ATP6V1C2: variants seen among roughly 807,000 people sequenced by gnomAD.
ATP6V1C2 encodes the protein ATPase H+ transporting V1 subunit C2.
In ATP6V1C2, 45 loss-of-function variants were observed where a neutral mutation model predicts 56.8. The observed-to-expected ratio is 0.79, with a 90% confidence interval of 0.62 to 1.02. The LOEUF is 1.02. Among genes scored for constraint, ATP6V1C2 ranks in the 50% least tolerant of loss-of-function variants. The pLI is 0.00. For synonymous variants in ATP6V1C2, 220 were observed against 201.3 expected (o/e 1.09, Z -0.79); for missense variants, 463 against 519.7 (o/e 0.89, Z 1.06).
intron 3 of ATP6V1C2, among the ~76,000 whole-genome samples, chr2:10,747,308 T>G (rs1372645381): frequency 3.3e-5 from 5 of 152,134 alleles, no homozygotes; most frequent in Non-Finnish European, 7.4e-5. Flanking sequence ...TCTCATACTT[T>G]TCATATACTT....
Position 10,757,618 on chromosome 2 carries a change from A to G in ATP6V1C2, c.283+3552A>G, listed in dbSNP as rs551467159. On this transcript the variant is annotated intron_variant, in intron 4 of 13. Transcript: ENST00000272238. ...TCACAATATCCATATGACACAGATAACCACCATCTCATCCCCTCCCCTCTT... is the reference window on the plus strand; with the variant it reads ...TCACAATATCCATATGACACAGATAGCCACCATCTCATCCCCTCCCCTCTT... Among the ~76,000 whole-genome samples the G allele has an allele frequency of 7.2e-5, 11 of 152,224 alleles. No homozygotes were observed. In the South Asian group the frequency reaches 1.9e-3, roughly 26 times the overall value.
intron 6 of ATP6V1C2, among the ~76,000 whole-genome samples, chr2:10,770,715 A>C (rs1664544944): frequency 6.6e-6 from 1 of 152,200 alleles, no homozygotes. Flanking sequence ...ACTTTAATTG[A>C]TTTACTAAGT....
chr2:10,741,912 TTCCTTC>T (rs1399659192), intron 3 of ATP6V1C2, among the ~76,000 whole-genome samples: 5 of 149,066 alleles, frequency 3.4e-5, no homozygotes, highest in African/African-American at 9.8e-5. Flanking sequence ...CCTTCCTTCC[TTCCTTC>T]CTTCCTTCCT....
chr2:10,781,104 G>C (rs1665320472), intron 12 of ATP6V1C2, among the ~76,000 whole-genome samples: 1 of 152,170 alleles, frequency 6.6e-6, no homozygotes, highest in African/African-American at 2.4e-5. Flanking sequence ...GTGCCACAGA[G>C]ACAGGACAGG....
In ATP6V1C2 at chr2:10,782,129, A is replaced by C; in HGVS notation, c.1062-114A>C. The C allele has an allele frequency of 4.0e-6, 5 of 1,258,726 alleles. No individual in the cohort carries two copies. In the South Asian group the frequency reaches 7.2e-5, roughly 18 times the overall value. 78.0% of individuals were successfully genotyped at this position (1,258,726 alleles called of 1,614,324 possible). The stretch of plus-strand genomic sequence containing the variant: ...CATTTTGCTCGAGTTTGACTTTATG[A>C]AGCTGTGTTGGTTGAAGCTTTTCAC... On this transcript the variant is annotated intron_variant, in intron 12 of 13. Coordinates refer to ENST00000272238, the MANE Select transcript of ATP6V1C2 (RefSeq NM_001039362.2).
At chr2:10,745,842 C>T (rs4669620) in intron 3 of ATP6V1C2, among the ~76,000 whole-genome samples, 2 of 152,066 alleles carry the variant, frequency 1.3e-5, no homozygotes, top group African/African-American at 4.8e-5. Flanking sequence ...GGCTATTTTA[C>T]GTACCTCCTA....
intron 12 of ATP6V1C2, among the ~76,000 whole-genome samples, chr2:10,781,004 C>G (rs752787587): frequency 5.3e-5 from 8 of 152,144 alleles, no homozygotes; most frequent in Non-Finnish European, 1.2e-4. Context: ...CCTTGGCCCC[C>G]CAAAGTGCTG....
intron 4 of ATP6V1C2, among the ~76,000 whole-genome samples, chr2:10,759,387 C>T (rs942500431): frequency 6.6e-6 from 1 of 152,214 alleles, no homozygotes; most frequent in Non-Finnish European, 1.5e-5. Context: ...GCTTGTCTGG[C>T]TTGCTGGGCG....
chr2:10,766,998 T>A (rs983098339), intron 5 of ATP6V1C2, among the ~76,000 whole-genome samples: 5 of 152,034 alleles, frequency 3.3e-5, no homozygotes, highest in Non-Finnish European at 7.4e-5. Flanking sequence ...CAACGTCCTG[T>A]GAATCTATAA....
At chr2:10,725,832 C>G (rs781622497) in intron 2 of ATP6V1C2, among the ~76,000 whole-genome samples, 60 of 151,852 alleles carry the variant, frequency 4.0e-4, no homozygotes, top group Non-Finnish European at 4.4e-4. Flanking sequence ...GTAATTCCAG[C>G]ACTTTGGGAG....
At chr2:10,764,479 G>A (rs1664108297) in intron 5 of ATP6V1C2, 54 bp downstream of exon 5, 7 of 1,514,568 alleles carry the variant, frequency 4.6e-6, no homozygotes, top group Middle Eastern at 3.7e-4. Flanking sequence ...AGGCGGGCAA[G>A]AGCCTGGGTA....
chr2:10,723,732 G>A (rs879712726), intron 2 of ATP6V1C2, among the ~76,000 whole-genome samples: 13 of 151,728 alleles, frequency 8.6e-5, no homozygotes, highest in Non-Finnish European at 1.2e-4. Context: ...CTAGCTACTC[G>A]GGAGGCTGAG....
At chr2:10,728,686 G>T (rs1271511383) in intron 3 of ATP6V1C2, among the ~76,000 whole-genome samples, 1 of 148,940 alleles carries the variant, frequency 6.7e-6, no homozygotes, top group African/African-American at 2.5e-5. Context: ...TGAGGTGGAA[G>T]AATCACCTGA....
Position 10,771,891 on chromosome 2 carries a change from G to A in ATP6V1C2, c.523G>A (p.Val175Met), listed in dbSNP as rs1474755358. 14 of 1,614,178 alleles carry A rather than the reference G, an allele frequency of 8.7e-6. No homozygotes were observed. The highest frequency in any genetic ancestry group is 3.3e-5 in the Admixed American group (2 of 60,016). Residue 175 changes from valine to methionine, a missense_variant, in exon 7 of 14, where the codon GTG becomes ATG. By Grantham distance (21) the Val-to-Met change is conservative (BLOSUM62 1). Coordinates refer to ENST00000272238, the MANE Select transcript of ATP6V1C2 (RefSeq NM_001039362.2). ...LSDIVSKEDF[V>M]LDSEYLVTLL... ...TGATATTGTGAGCAAAGAGGACTTC[G>A]TGCTGGATTCTGAATATCTCGTCAC...
chr2:10,784,585 TG>T lies in ATP6V1C2; in HGVS notation c.*1325del. 1.9e-6 allele frequency: 1 copy of T among 524,950 alleles called. No individual in the cohort carries two copies. Among genetic ancestry groups the T allele is most frequent in the Non-Finnish European group, 3.3e-6 (1 of 299,418 alleles). The allele number at this position is 524,950 out of a possible 1,614,324, so 32.5% of individuals were successfully genotyped here. On this transcript the variant is annotated 3_prime_UTR_variant, in exon 14 of 14. Transcript: ENST00000272238. ...CTTGAACGTGTCCTTTTGAGGAGGG[TG>T]GGACACAACAGTACAGAAATAAGTG...
intron 3 of ATP6V1C2, among the ~76,000 whole-genome samples, chr2:10,746,997 G>C (rs575581519): frequency 8.5e-5 from 13 of 152,162 alleles, no homozygotes; most frequent in Non-Finnish European, 1.8e-4. Flanking sequence ...AGCCAGGTGC[G>C]GTGGCTTGCG....
chr2:10,730,485 A>G (rs1661888224), intron 3 of ATP6V1C2, among the ~76,000 whole-genome samples: 1 of 151,714 alleles, frequency 6.6e-6, no homozygotes, highest in African/African-American at 2.4e-5. Context: ...TTCTGTTGCT[A>G]TTTACCTTCT....
In ATP6V1C2 at chr2:10,785,026, G is replaced by A. The variant is rs1379196300; in HGVS notation, c.*1763G>A. The stretch of plus-strand genomic sequence containing the variant: ...GCCGTGGAGCCACGCCCAAAAGAGA[G>A]CTCCCTTAGGGAAAAATGACCAAAA... On this transcript the variant is annotated 3_prime_UTR_variant, in exon 14 of 14. Coordinates refer to ENST00000272238, the MANE Select transcript of ATP6V1C2 (RefSeq NM_001039362.2). The A allele has an allele frequency of 2.5e-6, 4 of 1,572,102 alleles. No individual in the cohort carries two copies. Among genetic ancestry groups the A allele is most frequent in the Non-Finnish European group, 3.5e-6 (4 of 1,156,720 alleles).
At chr2:10,767,580 C>T (rs1397135371) in intron 5 of ATP6V1C2, among the ~76,000 whole-genome samples, 2 of 152,180 alleles carry the variant, frequency 1.3e-5, no homozygotes, top group Non-Finnish European at 2.9e-5. Flanking sequence ...GCCTCAGCCT[C>T]CTGAGTAGCT....
Sources: allele counts gnomAD v4.1 joint callset (sites outside exome capture counted in the v4.1 genomes callset), GRCh38; gene constraint gnomAD v4.1.1; transcripts MANE v1.5; gene names NCBI Gene and HGNC (gene_info 2026-07-23, HGNC 2026-07-21).